PDE10A: variants seen among roughly 807,000 people sequenced by gnomAD.
PDE10A encodes cAMP and cAMP-inhibited cGMP 3',5'-cyclic phosphodiesterase 10A.
Under a neutral mutation model 97.7 loss-of-function variants are expected in PDE10A, and 39 were observed. That is an observed-to-expected ratio of 0.40 (90% CI 0.31 to 0.52). The LOEUF is 0.52. Among genes scored for constraint, PDE10A ranks in the 20% least tolerant of loss-of-function variants. PDE10A has a pLI of 0.56. For missense variants in PDE10A, 731 were observed against 1,047.8 expected (o/e 0.70, Z 4.17); for synonymous variants, 371 against 376.8 (o/e 0.98, Z 0.18).
At chr6:165,625,447 A>C (rs1472602051) in intron 1 of PDE10A, among the ~76,000 whole-genome samples, 1 of 152,226 alleles carries the variant, frequency 6.6e-6, no homozygotes, top group Non-Finnish European at 1.5e-5. Context: ...AAATGGAAGA[A>C]TAGTGATGTC....
At chr6:165,863,907 C>T (rs1780972879) in intron 1 of PDE10A, among the ~76,000 whole-genome samples, 2 of 152,126 alleles carry the variant, frequency 1.3e-5, no homozygotes, top group African/African-American at 4.8e-5. Flanking sequence ...CAAGATGTAA[C>T]CAACTTGAAG....
At chr6:165,374,219 T>C (rs961848755) in intron 18 of PDE10A, among the ~76,000 whole-genome samples, 2 of 151,052 alleles carry the variant, frequency 1.3e-5, no homozygotes, top group African/African-American at 2.4e-5. Flanking sequence ...ACCCTAAAAC[T>C]TGAAGTATGA....
intron 1 of PDE10A, among the ~76,000 whole-genome samples, chr6:165,676,327 AC>A (rs1790795010): frequency 6.6e-6 from 1 of 152,222 alleles, no homozygotes; most frequent in Admixed American, 6.5e-5. Flanking sequence ...AGACTTCACC[AC>A]TATGCACCAT....
intron 2 of PDE10A, among the ~76,000 whole-genome samples, chr6:165,541,304 C>T (rs2128321789): frequency 6.6e-6 from 1 of 151,826 alleles, no homozygotes; most frequent in Non-Finnish European, 1.5e-5. Context: ...TAAAAAACAT[C>T]TCCTTATAAG....
chr6:165,378,071 A>T (rs1383686640), intron 18 of PDE10A, among the ~76,000 whole-genome samples: 1 of 152,256 alleles, frequency 6.6e-6, no homozygotes, highest in African/African-American at 2.4e-5. Context: ...AATCACAAAT[A>T]ACTGCTGCTT....
At chr6:165,924,957 C>G (rs1303709811) in intron 1 of PDE10A, among the ~76,000 whole-genome samples, 2 of 152,076 alleles carry the variant, frequency 1.3e-5, no homozygotes, top group Non-Finnish European at 2.9e-5. Flanking sequence ...GTGCAAGAGT[C>G]TCTGAAGAGA....
chr6:165,392,305 G>A (rs1044918349), intron 16 of PDE10A, among the ~76,000 whole-genome samples: 2 of 152,136 alleles, frequency 1.3e-5, no homozygotes, highest in Non-Finnish European at 2.9e-5. Flanking sequence ...AAATAGGCAG[G>A]ATACGTCTAC....
chr6:165,906,750 C>T (rs1452710529), intron 1 of PDE10A, among the ~76,000 whole-genome samples: 2 of 152,198 alleles, frequency 1.3e-5, no homozygotes, highest in Non-Finnish European at 2.9e-5. Context: ...CACTTAAACG[C>T]TGCCCAAAGG....
At chr6:165,836,663 C>A (rs1047235641) in intron 1 of PDE10A, among the ~76,000 whole-genome samples, 1 of 152,188 alleles carries the variant, frequency 6.6e-6, no homozygotes, top group Non-Finnish European at 1.5e-5. Flanking sequence ...TGAGAAATGA[C>A]AGGTTCAGAT....
At chr6:165,510,762 A>G (rs4709944) in intron 2 of PDE10A, among the ~76,000 whole-genome samples, 15,902 of 152,036 alleles carry the variant, frequency 0.1, 1,065 homozygotes, top group East Asian at 0.24. Flanking sequence ...GGTAGAATGC[A>G]TGCAGCCCGG....
Position 165,512,063 on chromosome 6 carries a change from G to GT in PDE10A, c.995-29721dup, listed in dbSNP as rs1781538465. On this transcript the variant is annotated intron_variant, in intron 2 of 21. Coordinates refer to ENST00000539869, the MANE Select transcript of PDE10A (RefSeq NM_001385079.1). ...CATGGGAAGTTGTTATTGTCACATT[G>GT]TTTTTTTCTGGTTGTTTGTATATTC... Among the ~76,000 whole-genome samples, 3 of 151,590 alleles carry GT rather than the reference G, an allele frequency of 2.0e-5. No homozygotes were observed. In the South Asian group the frequency reaches 6.2e-4, roughly 31 times the overall value.
intron 1 of PDE10A, among the ~76,000 whole-genome samples, chr6:165,796,288 G>A (rs1341356849): frequency 5.9e-5 from 9 of 151,808 alleles, no homozygotes; most frequent in Non-Finnish European, 1.3e-4. Flanking sequence ...GGGTTTCACC[G>A]TGTTAGCCAG....
chr6:165,748,381 G>T (rs1014475392), intron 1 of PDE10A, among the ~76,000 whole-genome samples: 6 of 152,172 alleles, frequency 3.9e-5, no homozygotes, highest in African/African-American at 1.2e-4. Flanking sequence ...AAGAGTTTCA[G>T]TCTGGGTACT....
At chr6:165,789,762 T>G (rs1190409433) in intron 1 of PDE10A, among the ~76,000 whole-genome samples, 1 of 152,136 alleles carries the variant, frequency 6.6e-6, no homozygotes, top group Non-Finnish European at 1.5e-5. Context: ...CTTTTATTAC[T>G]TGCCAAAGAC....
chr6:165,673,988 T>TA (rs60693441), intron 1 of PDE10A, among the ~76,000 whole-genome samples: 70,014 of 151,884 alleles, frequency 0.46, 16,842 homozygotes, highest in East Asian at 0.74. Context: ...TAAAATTTTT[T>TA]AAAGTGTTTC....
intron 1 of PDE10A, among the ~76,000 whole-genome samples, chr6:165,707,851 G>A (rs1008464481): frequency 6.6e-6 from 1 of 152,072 alleles, no homozygotes; most frequent in Non-Finnish European, 1.5e-5. Flanking sequence ...TGAATACACA[G>A]CTCAGCAGCC....
At chr6:165,842,683 C>A (rs1342066573) in intron 1 of PDE10A, among the ~76,000 whole-genome samples, 1 of 152,198 alleles carries the variant, frequency 6.6e-6, no homozygotes, top group Non-Finnish European at 1.5e-5. Flanking sequence ...GCACTGTGCC[C>A]AGACCATGTC....
intron 1 of PDE10A, among the ~76,000 whole-genome samples, chr6:165,753,132 G>A (rs184047215): frequency 7.9e-5 from 12 of 152,194 alleles, no homozygotes; most frequent in Admixed American, 3.3e-4. Flanking sequence ...TGTTAATAGC[G>A]GTTTAATTTA....
chr6:165,400,083 G>A (rs1483519088), intron 13 of PDE10A, among the ~76,000 whole-genome samples: 1 of 152,144 alleles, frequency 6.6e-6, no homozygotes, highest in African/African-American at 2.4e-5. Context: ...GGAAAGGATA[G>A]TCGATTCAGC....
Sources: gnomAD v4.1 joint callset for allele counts (sites outside exome capture counted in the v4.1 genomes callset) on GRCh38, gnomAD v4.1.1 for gene constraint, MANE v1.5 for transcripts, NCBI Gene and HGNC (gene_info 2026-07-23, HGNC 2026-07-21) for gene names.